NHSL2: variants seen among roughly 807,000 people sequenced by gnomAD.
The protein encoded by NHSL2 is NHS-like protein 2.
In NHSL2, 27 loss-of-function variants were observed where a neutral mutation model predicts 53.4. The observed-to-expected ratio is 0.51, with a 90% CI of 0.37 to 0.70. The LOEUF (loss-of-function observed/expected upper bound fraction) is 0.70. Ranked by LOEUF, NHSL2 falls within the 30% of genes least tolerant of loss-of-function variation. The pLI, the probability that NHSL2 is intolerant of heterozygous loss-of-function variation, is 0.00. For synonymous variants in NHSL2, 408 were observed against 404.1 expected (o/e 1.01, Z -0.12); for missense variants, 892 against 980.1 (o/e 0.91, Z 1.20).
rs1294849568 is a variant in NHSL2, at chrX:72,149,123, A to G, written c.*5549A>G. The G allele has an allele frequency of 1.8e-5, 2 of 110,187 alleles. No individual in the cohort carries two copies. The highest frequency in any genetic ancestry group is 3.9e-4 in the South Asian group (1 of 2,574). The allele number at this position is 110,187 out of a possible 1,213,427, so 9.1% of individuals were successfully genotyped here. A position where few individuals can be genotyped will look rare whatever the true frequency, so the allele number is the denominator to read the frequency against. ...GCTCGAAAAAAATTAAAAAGAACTT[A>G]TCATATTGGATCAACAAATTGCTCA... On this transcript the variant is annotated 3_prime_UTR_variant, in exon 8 of 8. Transcript: ENST00000633930.
In NHSL2 at chrX:72,050,398, A is replaced by G. The variant is rs529925748; in HGVS notation, c.281-81681A>G. ...CTTCAGTAAGTGTCTGTAGGCTTCT[A>G]TTTGCTAGATGAGGTAGTGGCCGGC... On this transcript the variant is annotated intron_variant, in intron 1 of 7. Transcript: ENST00000633930. Among the ~76,000 whole-genome samples the G allele has an allele frequency of 4.5e-5, 5 of 110,994 alleles. No homozygotes were observed. The East Asian group carries it at 8.5e-4, about 19-fold the overall frequency.
chrX:72,125,723 C>T (rs1248393646), intron 1 of NHSL2, among the ~76,000 whole-genome samples: 1 of 111,834 alleles, frequency 8.9e-6, no homozygotes, highest in Non-Finnish European at 1.9e-5. Context: ...TGTCAGGCAC[C>T]CTGAAGAGTA....
chrX:72,050,331 G>T (rs1482475832), intron 1 of NHSL2, among the ~76,000 whole-genome samples: 1 of 111,284 alleles, frequency 9.0e-6, no homozygotes, highest in Non-Finnish European at 1.9e-5. Context: ...GAGCTGTGGG[G>T]TCATTTTTCC....
chrX:71,976,691 A>G (rs1302879702), intron 1 of NHSL2, among the ~76,000 whole-genome samples: 1 of 112,221 alleles, frequency 8.9e-6, no homozygotes, highest in Non-Finnish European at 1.9e-5. Context: ...ACTGAGGCTA[A>G]GTGTCCTGCC....
chrX:71,920,831 G>A (rs1429660614), intron 1 of NHSL2, among the ~76,000 whole-genome samples: 3 of 110,597 alleles, frequency 2.7e-5, no homozygotes, highest in African/African-American at 6.6e-5. Flanking sequence ...TTGAGACTGA[G>A]TCTTGCTCTG....
intron 1 of NHSL2, among the ~76,000 whole-genome samples, chrX:71,992,309 C>T (rs773138208): frequency 3.6e-5 from 4 of 111,660 alleles, no homozygotes; most frequent in Non-Finnish European, 7.5e-5. Flanking sequence ...CAGTTAGGGA[C>T]ACATAATAAC....
chrX:72,064,860 G>A (rs917402954), intron 1 of NHSL2, among the ~76,000 whole-genome samples: 1 of 111,368 alleles, frequency 9.0e-6, no homozygotes, highest in East Asian at 2.8e-4. Context: ...AAACACAGGC[G>A]AAAAAGAAAG....
intron 1 of NHSL2, among the ~76,000 whole-genome samples, chrX:71,928,151 G>A (rs1569463491): frequency 1.8e-5 from 2 of 112,451 alleles, no homozygotes; most frequent in East Asian, 5.6e-4. Context: ...TGTTGTCACT[G>A]TGTCATTAAC....
At position 71,940,390 on chromosome X, in the gene NHSL2, A is replaced by G. The variant is rs1027864304; in HGVS notation, c.280+29023A>G. On this transcript the variant is annotated intron_variant, in intron 1 of 7. Transcript: ENST00000633930. ...GAAATGGAGACAGCAAGTGTAAACA[A>G]CTCTTTCCAGAAGTTTGTCTGTGAA... Among the ~76,000 whole-genome samples the G allele has an allele frequency of 2.2e-4, 25 of 111,710 alleles. 2 individuals carry two copies. The Admixed American group carries it at 2.3e-3, about 10-fold the overall frequency.
At chrX:71,941,019 G>A (rs1311014481) in intron 1 of NHSL2, among the ~76,000 whole-genome samples, 1 of 111,629 alleles carries the variant, frequency 9.0e-6, no homozygotes, top group Non-Finnish European at 1.9e-5. Flanking sequence ...AGAAAGGTGC[G>A]GATGTCGGTA....
intron 1 of NHSL2, among the ~76,000 whole-genome samples, chrX:71,947,752 G>A (rs1314003685): frequency 8.9e-6 from 1 of 112,350 alleles, no homozygotes; most frequent in Non-Finnish European, 1.9e-5. Context: ...TGGCAACCTG[G>A]ATGGAGTTGG....
chrX:72,125,236 T>C (rs1227654619), intron 1 of NHSL2, among the ~76,000 whole-genome samples: 2 of 112,180 alleles, frequency 1.8e-5, no homozygotes, highest in African/African-American at 6.5e-5. Context: ...AGTGCATCCT[T>C]CCAGGTTAGG....
intron 1 of NHSL2, among the ~76,000 whole-genome samples, chrX:72,040,547 A>AT (rs964101237): frequency 8.9e-6 from 1 of 112,064 alleles, no homozygotes; most frequent in African/African-American, 3.3e-5. Flanking sequence ...AACGAGAATG[A>AT]TGTGGGTGGT....
Position 72,145,844 on chromosome X carries a change from T to C in NHSL2, c.*2270T>C, listed in dbSNP as rs2042460074. On this transcript the variant is annotated 3_prime_UTR_variant, in exon 8 of 8. Transcript: ENST00000633930. ...CTCACCTTGCTACCTCTGGAGGTTTTCCCAAAAGATTCTGAACCTGAATTC... is the reference window on the plus strand; with the variant it reads ...CTCACCTTGCTACCTCTGGAGGTTTCCCCAAAAGATTCTGAACCTGAATTC... 1 of 112,410 alleles carries C rather than the reference T, an allele frequency of 8.9e-6. No individual in the cohort carries two copies. The highest frequency in any genetic ancestry group is 3.2e-5 in the African/African-American group (1 of 30,953). 9.3% of individuals were successfully genotyped at this position (112,410 alleles called of 1,213,427 possible).
intron 1 of NHSL2, among the ~76,000 whole-genome samples, chrX:72,001,200 G>A (rs989687772): frequency 8.9e-6 from 1 of 111,796 alleles, no homozygotes; most frequent in Admixed American, 9.4e-5. Context: ...TCTTACTAAA[G>A]TGTTTTAAAA....
At chrX:71,931,993 A>G (rs1163255560) in intron 1 of NHSL2, among the ~76,000 whole-genome samples, 1 of 112,391 alleles carries the variant, frequency 8.9e-6, no homozygotes, top group East Asian at 2.8e-4. Context: ...CTTTCGACAA[A>G]TATTGATTGA....
chrX:72,068,099 A>G (rs2042442298), intron 1 of NHSL2, among the ~76,000 whole-genome samples: 1 of 111,665 alleles, frequency 9.0e-6, no homozygotes, highest in Non-Finnish European at 1.9e-5. Context: ...TCACAACATT[A>G]TTGATCCTTC....
intron 1 of NHSL2, among the ~76,000 whole-genome samples, chrX:72,074,282 C>A (rs2041723256): frequency 8.9e-6 from 1 of 112,659 alleles, no homozygotes; most frequent in African/African-American, 3.2e-5. Context: ...CTGGCTCTTT[C>A]ATCTTCACAA....
intron 1 of NHSL2, among the ~76,000 whole-genome samples, chrX:71,925,513 G>A (rs1034384844): frequency 2.8e-5 from 3 of 108,835 alleles, no homozygotes; most frequent in Non-Finnish European, 5.7e-5. Flanking sequence ...TGCAAGCTCC[G>A]CCTCCTGGGT....
Sources: allele counts gnomAD v4.1 joint callset (sites outside exome capture counted in the v4.1 genomes callset), GRCh38; gene constraint gnomAD v4.1.1; transcripts MANE v1.5; gene names NCBI Gene and HGNC (gene_info 2026-07-23, HGNC 2026-07-21).